EPB41L4B: variants seen among roughly 807,000 people sequenced by gnomAD.
EPB41L4B encodes erythrocyte membrane protein band 4.1 like 4B.
In EPB41L4B, 30 loss-of-function variants were observed where a neutral mutation model predicts 112.5. The ratio of observed to expected loss-of-function variants is 0.27; its 90% confidence interval spans 0.20 to 0.36. The LOEUF (loss-of-function observed/expected upper bound fraction) is 0.36. EPB41L4B is among the 10% of genes least tolerant of loss of function. EPB41L4B has a pLI of 1.00. For synonymous variants in EPB41L4B, 408 were observed against 439.7 expected (o/e 0.93, Z 0.90); for missense variants, 1,024 against 1,133.3 (o/e 0.90, Z 1.38).
chr9:109,285,164 G>A (rs1268998167), intron 1 of EPB41L4B, among the ~76,000 whole-genome samples: 1 of 152,268 alleles, frequency 6.6e-6, no homozygotes, highest in African/African-American at 2.4e-5. Context: ...ACCTGGGTCT[G>A]TTTTGGTTCT....
intron 1 of EPB41L4B, among the ~76,000 whole-genome samples, chr9:109,291,720 C>A (rs1019425556): frequency 1.3e-5 from 2 of 152,096 alleles, no homozygotes; most frequent in African/African-American, 4.8e-5. Context: ...TGTGCGAGTC[C>A]GTGGAAGGAG....
chr9:109,320,167 C>G lies in EPB41L4B; in HGVS notation c.280G>C (p.Gly94Arg). The change falls in exon 1 of 26, where the codon GGG becomes CGG. Residue 94 changes from glycine to arginine, a missense_variant. Gly to Arg is a moderately radical substitution (Grantham distance 125). Transcript: ENST00000374566. ...GGCAGGTCCACGCTCACTTCGGTCC[C>G]GTCGAGCAGGAAGACGCGGCAGTAG... is the stretch of plus-strand genomic sequence containing the variant. ...TLYCRVFLLD[G>R]TEVSVDLPKH... 1.3e-6 allele frequency: 2 copies of G among 1,483,032 alleles called. No individual in the cohort carries two copies. The highest frequency in any genetic ancestry group is 9.0e-7 in the Non-Finnish European group (1 of 1,113,940). The allele number at this position is 1,483,032 out of a possible 1,614,324, so 91.9% of individuals were successfully genotyped here. A position where few individuals can be genotyped will look rare whatever the true frequency, so the allele number is the denominator to read the frequency against.
In EPB41L4B at chr9:109,280,539, G is replaced by A. The variant is rs144260459; in HGVS notation, c.307-618C>T. On this transcript the variant is annotated intron_variant, in intron 1 of 25. Coordinates refer to ENST00000374566, the MANE Select transcript of EPB41L4B (RefSeq NM_019114.5). ...GGGTCAAGTCCTGCATCTGCCACTT[G>A]ACTTCGTACAAGTCACTCCTCCTAA... 2.6e-5 allele frequency among the ~76,000 whole-genome samples: 4 copies of A among 152,248 alleles called. No individual in the cohort carries two copies. The East Asian group carries it at 5.8e-4, about 22-fold the overall frequency.
chr9:109,283,321 T>G (rs1836142500), intron 1 of EPB41L4B, among the ~76,000 whole-genome samples: 4 of 152,200 alleles, frequency 2.6e-5, no homozygotes, highest in Admixed American at 1.3e-4. Context: ...GCTGTATTTG[T>G]GTGACACACA....
In EPB41L4B at chr9:109,192,307, G is replaced by A; in HGVS notation, c.2272C>T (p.Leu758=). The change falls in exon 22 of 26, where the codon CTG becomes TTG. Residue 758 remains leucine (L), a synonymous_variant. Transcript: ENST00000374566. ...GGAGTGGCTTCTGTGAAATCCATCA[G>A]AAGATCACCCGGCTCCAGGGTAAAG... is the stretch of plus-strand genomic sequence containing the variant. ...GAFTLEPGDL[L]MDFTEATPLA... 6.2e-7 allele frequency: 1 copy of A among 1,612,160 alleles called. No individual in the cohort carries two copies. The highest frequency in any genetic ancestry group is 8.5e-7 in the Non-Finnish European group (1 of 1,179,212).
intron 2 of EPB41L4B, among the ~76,000 whole-genome samples, chr9:109,279,198 CTTT>C (rs774056556): frequency 1.6e-4 from 23 of 143,750 alleles, no homozygotes; most frequent in Admixed American, 1.4e-4. Flanking sequence ...CTTTCTTTTC[CTTT>C]TTTTTTTTTT....
chr9:109,320,301 G>A lies in EPB41L4B; in HGVS notation c.146C>T (p.Ala49Val), dbSNP rs1437439502. 2.8e-6 allele frequency: 3 copies of A among 1,060,302 alleles called. No homozygotes were observed. The highest frequency in any genetic ancestry group is 8.8e-5 in the South Asian group (2 of 22,720). 65.7% of individuals were successfully genotyped at this position (1,060,302 alleles called of 1,614,324 possible). Reference sequence around the variant, plus strand: ...GCTGCCCCCGGGCGCGGCGGGCAGCGCCGAGGAGGAGGCGGCGGCGGCCGG... The same window carrying A: ...GCTGCCCCCGGGCGCGGCGGGCAGCACCGAGGAGGAGGCGGCGGCGGCCGG... ...GGPAAAASSS[A>V]LPAAPGGSVF... The change falls in exon 1 of 26, where the codon GCG becomes GTG. Residue 49 changes from alanine to valine, a missense_variant. Ala to Val is a moderately conservative substitution (Grantham distance 64). Coordinates refer to ENST00000374566, the MANE Select transcript of EPB41L4B (RefSeq NM_019114.5).
chr9:109,282,730 G>A (rs571516457), intron 1 of EPB41L4B, among the ~76,000 whole-genome samples: 40 of 151,924 alleles, frequency 2.6e-4, no homozygotes, highest in Non-Finnish European at 4.9e-4. Flanking sequence ...TGCTCTTGTC[G>A]CCCAGCCTGG....
intron 2 of EPB41L4B, among the ~76,000 whole-genome samples, chr9:109,279,086 C>T (rs901526073): frequency 2.0e-5 from 3 of 152,298 alleles, no homozygotes; most frequent in South Asian, 4.1e-4. Flanking sequence ...CATTCAGCTC[C>T]GTTCACAGCA....
intron 1 of EPB41L4B, among the ~76,000 whole-genome samples, chr9:109,319,077 C>T (rs1174880089): frequency 6.6e-6 from 1 of 152,230 alleles, no homozygotes; most frequent in Non-Finnish European, 1.5e-5. Context: ...TAACATTCAT[C>T]TAAAGCTCAA....
chr9:109,265,689 G>T (rs1469886406), intron 4 of EPB41L4B, among the ~76,000 whole-genome samples: 1 of 152,144 alleles, frequency 6.6e-6, no homozygotes, highest in Non-Finnish European at 1.5e-5. Context: ...AAATGTCTTG[G>T]CTTAAATAAG....
At chr9:109,277,125 C>A (rs1202705633) in intron 2 of EPB41L4B, among the ~76,000 whole-genome samples, 13 of 152,108 alleles carry the variant, frequency 8.5e-5, no homozygotes, top group African/African-American at 2.9e-4. Context: ...AAATACCACA[C>A]GCTTTAAGAC....
chr9:109,295,124 T>C (rs1051564700), intron 1 of EPB41L4B, among the ~76,000 whole-genome samples: 3 of 152,344 alleles, frequency 2.0e-5, no homozygotes, highest in East Asian at 3.9e-4. Flanking sequence ...CCTATGGACG[T>C]TGAGTCACAT....
At chr9:109,309,070 G>A (rs1001938719) in intron 1 of EPB41L4B, among the ~76,000 whole-genome samples, 6 of 151,554 alleles carry the variant, frequency 4.0e-5, no homozygotes, top group African/African-American at 1.2e-4. Flanking sequence ...GCGAGATTCC[G>A]TCTTTTAAAA....
At chr9:109,193,372 T>G (rs1832527636) in intron 21 of EPB41L4B, among the ~76,000 whole-genome samples, 1 of 152,246 alleles carries the variant, frequency 6.6e-6, no homozygotes, top group Non-Finnish European at 1.5e-5. Context: ...CCAGTTTGCA[T>G]GAGCACTTTA....
intron 24 of EPB41L4B, among the ~76,000 whole-genome samples, chr9:109,180,597 C>T (rs887185861): frequency 1.3e-5 from 2 of 152,206 alleles, no homozygotes; most frequent in Non-Finnish European, 2.9e-5. Context: ...CTGCTGGACA[C>T]CTTCCCACCT....
chr9:109,227,317 A>T (rs974393824), intron 15 of EPB41L4B, among the ~76,000 whole-genome samples: 5 of 151,896 alleles, frequency 3.3e-5, no homozygotes, highest in African/African-American at 1.2e-4. Flanking sequence ...CTTTTGTGAT[A>T]GTAACTTGAA....
At chr9:109,237,069 C>T (rs1834171541) in intron 15 of EPB41L4B, among the ~76,000 whole-genome samples, 1 of 152,118 alleles carries the variant, frequency 6.6e-6, no homozygotes, top group Admixed American at 6.5e-5. Flanking sequence ...TCAAGGGCAA[C>T]AAAAAGACTC....
chr9:109,227,781 C>G (rs1833832930), intron 15 of EPB41L4B, among the ~76,000 whole-genome samples: 1 of 152,090 alleles, frequency 6.6e-6, no homozygotes, highest in African/African-American at 2.4e-5. Flanking sequence ...AGGGTTTCAC[C>G]ATGTTGGCCA....
Sources: gnomAD v4.1 joint callset for allele counts (sites outside exome capture counted in the v4.1 genomes callset) on GRCh38, gnomAD v4.1.1 for gene constraint, MANE v1.5 for transcripts, NCBI Gene and HGNC (gene_info 2026-07-23, HGNC 2026-07-21) for gene names.